BAZ2B: variants seen among roughly 807,000 people sequenced by gnomAD.
BAZ2B encodes the protein bromodomain adjacent to zinc finger domain protein 2B.
BAZ2B carries 91 observed loss-of-function variants against 246.0 expected under a neutral mutation model. That is an observed-to-expected ratio of 0.37 (90% CI 0.31 to 0.44). BAZ2B has a LOEUF of 0.44. BAZ2B is among the 20% of genes least tolerant of loss of function. The pLI is 1.00. For missense variants in BAZ2B, 2,332 were observed against 2,533.7 expected (o/e 0.92, Z 1.71); for synonymous variants, 855 against 860.0 (o/e 0.99, Z 0.10).
intron 2 of BAZ2B, among the ~76,000 whole-genome samples, chr2:159,498,910 C>A (rs2081424016): frequency 6.6e-6 from 1 of 152,108 alleles, no homozygotes; most frequent in Non-Finnish European, 1.5e-5. Flanking sequence ...TTTTTCTACC[C>A]ATGTATCTTA....
rs1020604868 is a variant in BAZ2B, at chr2:159,566,417, T to G, written c.-45-10552A>C. Among the ~76,000 whole-genome samples, 4 of 152,312 alleles carry G rather than the reference T, an allele frequency of 2.6e-5. No homozygotes were observed. The South Asian group carries it at 8.3e-4, about 32-fold the overall frequency. ...CAGCCTTTGATTTGATTAATCACAG[T>G]TAGATTTAGACTGAATCAACCTTAG... On this transcript the variant is annotated intron_variant, in intron 1 of 36. Coordinates refer to ENST00000392783, the MANE Select transcript of BAZ2B (RefSeq NM_013450.4).
chr2:159,619,232 A>G (rs1361789087), upstream of BAZ2B, among the ~76,000 whole-genome samples: 1 of 152,006 alleles, frequency 6.6e-6, no homozygotes, highest in South Asian at 2.1e-4. Flanking sequence ...AGCTGGAGCC[A>G]TATACAACCC....
intron 2 of BAZ2B, among the ~76,000 whole-genome samples, chr2:159,505,213 G>A (rs1412177091): frequency 2.6e-5 from 4 of 152,206 alleles, no homozygotes; most frequent in African/African-American, 9.7e-5. Flanking sequence ...TTCCAGCAGA[G>A]TGTCATCTCG....
At chr2:159,344,545 A>AT (rs2067412134) in intron 31 of BAZ2B, among the ~76,000 whole-genome samples, 1 of 147,430 alleles carries the variant, frequency 6.8e-6, no homozygotes, top group East Asian at 2.0e-4. Context: ...AAAAAAAAAA[A>AT]AAGAAAAGAA....
At chr2:159,393,860 CT>C (rs1206489934) in intron 20 of BAZ2B, among the ~76,000 whole-genome samples, 1 of 152,142 alleles carries the variant, frequency 6.6e-6, no homozygotes, top group East Asian at 1.9e-4. Flanking sequence ...TCCTTCACCT[CT>C]CTGCAGCAGC....
intron 1 of BAZ2B, among the ~76,000 whole-genome samples, chr2:159,604,932 T>G (rs1379505243): frequency 8.1e-5 from 10 of 123,246 alleles, no homozygotes; most frequent in Non-Finnish European, 1.9e-4. Flanking sequence ...TTAATATATT[T>G]TGTGTGTGTG....
At chr2:159,546,538 C>T (rs1277970768) in intron 2 of BAZ2B, among the ~76,000 whole-genome samples, 1 of 149,410 alleles carries the variant, frequency 6.7e-6, no homozygotes, top group Non-Finnish European at 1.5e-5. Context: ...CAAATGACTG[C>T]AAAACTTTTA....
At chr2:159,396,005 T>A (rs536988552) in intron 19 of BAZ2B, 171 bp from the exon 20 acceptor site, 5 of 534,894 alleles carry the variant, frequency 9.3e-6, no homozygotes, top group African/African-American at 3.9e-5. Context: ...AGTCTGTGCA[T>A]GTTTTAGTTC....
chr2:159,413,917 A>C (rs2067225949), intron 13 of BAZ2B, among the ~76,000 whole-genome samples: 1 of 152,212 alleles, frequency 6.6e-6, no homozygotes, highest in Non-Finnish European at 1.5e-5. Context: ...TGCTCTGTAT[A>C]TATCTAAAAG....
chr2:159,703,494 CAA>C, the BAZ2B span, among the ~76,000 whole-genome samples: 1 of 151,764 alleles, frequency 6.6e-6, no homozygotes, highest in South Asian at 2.1e-4. Flanking sequence ...CTACCCCCCG[CAA>C]AAAAAAAGCT....
chr2:159,652,948 T>A, the BAZ2B span, among the ~76,000 whole-genome samples: 1 of 151,566 alleles, frequency 6.6e-6, no homozygotes, highest in African/African-American at 2.4e-5. Context: ...TATTTTTATT[T>A]TTTTTTTGAG....
intron 1 of BAZ2B, among the ~76,000 whole-genome samples, chr2:159,575,472 T>C (rs1685083524): frequency 6.6e-6 from 1 of 152,182 alleles, no homozygotes; most frequent in Non-Finnish European, 1.5e-5. Context: ...TAAAGGTAAA[T>C]GGAGGAATTC....
the BAZ2B span, among the ~76,000 whole-genome samples, chr2:159,651,725 C>T: frequency 1.3e-5 from 2 of 152,098 alleles, no homozygotes; most frequent in Non-Finnish European, 2.9e-5. Context: ...ACTGACTCCC[C>T]TCTTCCCCCA....
At chr2:159,408,444 T>C (rs987838805) in intron 14 of BAZ2B, among the ~76,000 whole-genome samples, 2 of 152,222 alleles carry the variant, frequency 1.3e-5, no homozygotes, top group African/African-American at 4.8e-5. Flanking sequence ...GTGCTAGGAT[T>C]ACACAGGTAT....
intron 6 of BAZ2B, 74 bp downstream of exon 6, chr2:159,446,708 T>C: frequency 7.4e-7 from 1 of 1,357,456 alleles, no homozygotes. Context: ...CCATAGATTC[T>C]GTTGATTTGA....
chr2:159,514,819 T>C (rs2083269141), intron 2 of BAZ2B, among the ~76,000 whole-genome samples: 1 of 152,126 alleles, frequency 6.6e-6, no homozygotes, highest in Non-Finnish European at 1.5e-5. Flanking sequence ...AAGTATTCAA[T>C]AAATGACATA....
chr2:159,438,392 T>A lies in BAZ2B; in HGVS notation c.1204A>T (p.Ile402Leu). 2 of 1,613,076 alleles carry A rather than the reference T, an allele frequency of 1.2e-6. No individual in the cohort carries two copies. The highest frequency in any genetic ancestry group is 2.2e-5 in the South Asian group (2 of 91,052). The change falls in exon 8 of 37, where the codon ATA (isoleucine) becomes TTA (leucine). Residue 402 changes from isoleucine (I) to leucine (L), a missense_variant. This residue lies in a region of BAZ2B where 651 missense variants were observed against 650.9 expected (regional missense o/e 1.00). Coordinates refer to ENST00000392783, the MANE Select transcript of BAZ2B (RefSeq NM_013450.4). ...QAKKETYMKL[I>L]VPSPDVLKAG... is the part of the protein sequence containing the mutation. Reference sequence around the variant, plus strand: ...TTAAGAACATCAGGAGAAGGAACTATGAGTTTCATGTAAGTTTCCTTTTTG... The same window carrying A: ...TTAAGAACATCAGGAGAAGGAACTAAGAGTTTCATGTAAGTTTCCTTTTTG...
At chr2:159,543,720 G>T (rs1032781271) in intron 2 of BAZ2B, among the ~76,000 whole-genome samples, 2 of 152,082 alleles carry the variant, frequency 1.3e-5, no homozygotes, top group Non-Finnish European at 2.9e-5. Flanking sequence ...ATTTTTAGTA[G>T]AGACGAGGTT....
intron 1 of BAZ2B, among the ~76,000 whole-genome samples, chr2:159,596,133 A>C (rs1429077586): frequency 6.6e-6 from 1 of 152,196 alleles, no homozygotes; most frequent in Non-Finnish European, 1.5e-5. Context: ...GTATTGTCCT[A>C]AAGAACGGAT....
Sources: gnomAD v4.1 joint callset for allele counts (sites outside exome capture counted in the v4.1 genomes callset) on GRCh38, gnomAD v4.1.1 for gene constraint, gnomAD v4.1.1 regional missense constraint, MANE v1.5 for transcripts, NCBI Gene and HGNC (gene_info 2026-07-23, HGNC 2026-07-21) for gene names.